The following PLCB1 variants were observed in gnomAD, a reference collection of about 807,000 sequenced individuals.
The protein encoded by PLCB1 is phospholipase C beta 1, also known as 1-phosphatidylinositol 4,5-bisphosphate phosphodiesterase beta-1.
Under a neutral mutation model 161.8 loss-of-function variants are expected in PLCB1, and 46 were observed. The observed-to-expected ratio is 0.28, with a 90% CI of 0.22 to 0.36. The LOEUF (loss-of-function observed/expected upper bound fraction) is 0.36. Ranked by LOEUF, PLCB1 falls within the 10% of genes least tolerant of loss-of-function variation. The probability of loss-of-function intolerance (pLI) is 1.00; values close to 1 mark genes in which losing one functional copy is unlikely to be tolerated. For missense variants in PLCB1, 1,016 were observed against 1,472.5 expected (o/e 0.69, Z 5.07); for synonymous variants, 517 against 503.7 (o/e 1.03, Z -0.35).
intron 3 of PLCB1, among the ~76,000 whole-genome samples, chr20:8,430,091 G>T (rs954325157): frequency 6.6e-6 from 1 of 152,000 alleles, no homozygotes; most frequent in Non-Finnish European, 1.5e-5. Context: ...CTGAATGCTG[G>T]AGTAAAGCCA....
chr20:8,339,504 A>G (rs1213965150), intron 2 of PLCB1, among the ~76,000 whole-genome samples: 1 of 152,150 alleles, frequency 6.6e-6, no homozygotes, highest in Non-Finnish European at 1.5e-5. Flanking sequence ...ATGCCTGACA[A>G]CCTTCCATTA....
At chr20:8,836,818 A>G (rs1463803591) in intron 31 of PLCB1, among the ~76,000 whole-genome samples, 2 of 152,174 alleles carry the variant, frequency 1.3e-5, no homozygotes, top group Non-Finnish European at 2.9e-5. Flanking sequence ...TTGAATTCCC[A>G]GGTCAAATGC....
At chr20:8,637,980 G>A (rs1050936133) in intron 4 of PLCB1, among the ~76,000 whole-genome samples, 57 of 152,284 alleles carry the variant, frequency 3.7e-4, no homozygotes, top group South Asian at 1.9e-3. Context: ...TGCAAGCTCT[G>A]CCTCCTGGGC....
intron 3 of PLCB1, among the ~76,000 whole-genome samples, chr20:8,611,745 G>C (rs1462518188): frequency 1.3e-5 from 2 of 152,114 alleles, no homozygotes; most frequent in African/African-American, 4.8e-5. Flanking sequence ...GTGGTAGTTT[G>C]AGAACATTCC....
chr20:8,526,229 T>C (rs1984580996), intron 3 of PLCB1, among the ~76,000 whole-genome samples: 1 of 152,160 alleles, frequency 6.6e-6, no homozygotes, highest in Admixed American at 6.6e-5. Flanking sequence ...AAGGTTGGAC[T>C]CCTATGTTCA....
intron 2 of PLCB1, among the ~76,000 whole-genome samples, chr20:8,184,082 C>G (rs1217958093): frequency 6.6e-6 from 1 of 151,996 alleles, no homozygotes; most frequent in East Asian, 1.9e-4. Flanking sequence ...AAAATGGACT[C>G]CAGATACCTT....
intron 3 of PLCB1, among the ~76,000 whole-genome samples, chr20:8,473,399 A>G (rs1220217396): frequency 1.3e-5 from 2 of 152,226 alleles, no homozygotes; most frequent in East Asian, 1.9e-4. Context: ...TTCTCTTCAA[A>G]TTAGTTCAAA....
At chr20:8,377,263 G>T (rs1189119449) in intron 3 of PLCB1, among the ~76,000 whole-genome samples, 1 of 152,158 alleles carries the variant, frequency 6.6e-6, no homozygotes, top group African/African-American at 2.4e-5. Flanking sequence ...TATGAGTAGA[G>T]ACATGAACTT....
chr20:8,744,009 A>G (rs1393026510), intron 23 of PLCB1, among the ~76,000 whole-genome samples: 3 of 152,194 alleles, frequency 2.0e-5, no homozygotes, highest in African/African-American at 7.2e-5. Flanking sequence ...TTACATAGAT[A>G]CAAATAAATC....
At chr20:8,269,310 C>T (rs901318652) in intron 2 of PLCB1, among the ~76,000 whole-genome samples, 2 of 152,050 alleles carry the variant, frequency 1.3e-5, no homozygotes, top group Non-Finnish European at 2.9e-5. Context: ...GTTCAACTCC[C>T]GCTTATGAGT....
chr20:8,543,014 A>G (rs1985393445), intron 3 of PLCB1, among the ~76,000 whole-genome samples: 1 of 152,304 alleles, frequency 6.6e-6, no homozygotes, highest in East Asian at 1.9e-4. Flanking sequence ...AACAGATCAA[A>G]CCTCTGCCCT....
At chr20:8,754,870 A>G (rs1210990678) in intron 23 of PLCB1, among the ~76,000 whole-genome samples, 1 of 152,228 alleles carries the variant, frequency 6.6e-6, no homozygotes, top group Non-Finnish European at 1.5e-5. Context: ...CATTGGGACC[A>G]TGACTTTCCA....
At chr20:8,356,575 A>C (rs1986368945) in intron 2 of PLCB1, among the ~76,000 whole-genome samples, 1 of 152,210 alleles carries the variant, frequency 6.6e-6, no homozygotes, top group Admixed American at 6.5e-5. Context: ...ATGTTTAAAA[A>C]AAAATAATGC....
At chr20:8,349,031 T>TAC (rs915922726) in intron 2 of PLCB1, among the ~76,000 whole-genome samples, 1 of 152,076 alleles carries the variant, frequency 6.6e-6, no homozygotes, top group Non-Finnish European at 1.5e-5. Flanking sequence ...TACATATATA[T>TAC]ACACACACAC....
intron 10 of PLCB1, among the ~76,000 whole-genome samples, chr20:8,688,330 C>T (rs1219359623): frequency 6.6e-6 from 1 of 152,142 alleles, no homozygotes; most frequent in African/African-American, 2.4e-5. Context: ...TGCAAAAGCT[C>T]TTTAGTTTAA....
intron 18 of PLCB1, among the ~76,000 whole-genome samples, chr20:8,730,947 T>C (rs1980208891): frequency 6.6e-6 from 1 of 151,848 alleles, no homozygotes; most frequent in Non-Finnish European, 1.5e-5. Flanking sequence ...AGCCTATTTT[T>C]TGCAGTACAT....
chr20:8,555,636 C>A (rs1985927507), intron 3 of PLCB1, among the ~76,000 whole-genome samples: 1 of 151,956 alleles, frequency 6.6e-6, no homozygotes, highest in African/African-American at 2.4e-5. Flanking sequence ...TCAAATGTGA[C>A]AAATTAAAAT....
At chr20:8,868,592 G>C (rs946396666) in intron 31 of PLCB1, among the ~76,000 whole-genome samples, 1 of 152,138 alleles carries the variant, frequency 6.6e-6, no homozygotes, top group South Asian at 2.1e-4. Context: ...TGGAATGGTG[G>C]GGATGGAGCC....
chr20:8,233,027 A>C (rs1980141362), intron 2 of PLCB1, among the ~76,000 whole-genome samples: 2 of 151,916 alleles, frequency 1.3e-5, no homozygotes, highest in African/African-American at 4.8e-5. Flanking sequence ...GCCCTGTCAC[A>C]CTCTTGGTCC....
Sources: gnomAD v4.1 joint callset for allele counts (sites outside exome capture counted in the v4.1 genomes callset) on GRCh38, gnomAD v4.1.1 for gene constraint, MANE v1.5 for transcripts, NCBI Gene and HGNC (gene_info 2026-07-23, HGNC 2026-07-21) for gene names.